Variants in GPHN observed in about 807,000 individuals in gnomAD.
The protein encoded by GPHN is gephyrin.
GPHN carries 17 observed loss-of-function variants against 95.5 expected under a neutral mutation model. The ratio of observed to expected loss-of-function variants is 0.18; its 90% confidence interval spans 0.12 to 0.27. GPHN has a LOEUF of 0.27. GPHN is among the 10% of genes least tolerant of loss of function. GPHN has a pLI of 1.00. For missense variants in GPHN, 660 were observed against 978.1 expected (o/e 0.67, Z 4.34); for synonymous variants, 320 against 322.5 (o/e 0.99, Z 0.08).
At chr14:67,355,195 C>T in the GPHN span, among the ~76,000 whole-genome samples, 1 of 151,892 alleles carries the variant, frequency 6.6e-6, no homozygotes, top group African/African-American at 2.4e-5. Context: ...AATCAAGATC[C>T]TAACAGCAAT....
chr14:67,308,532 AT>A, the GPHN span, among the ~76,000 whole-genome samples: 2 of 137,744 alleles, frequency 1.5e-5, no homozygotes, highest in African/African-American at 5.5e-5. Context: ...CTCTCCAAAT[AT>A]TTTTTTCTTT....
chr14:67,666,126 C>T, the GPHN span, among the ~76,000 whole-genome samples: 1 of 152,226 alleles, frequency 6.6e-6, no homozygotes, highest in Non-Finnish European at 1.5e-5. Context: ...CACTCCTGAT[C>T]CAAGCCAGAC....
chr14:66,976,861 T>A, intron 9 of GPHN, among the ~76,000 whole-genome samples: 1 of 123,170 alleles, frequency 8.1e-6, no homozygotes. Flanking sequence ...AAAGGATGAG[T>A]AAAAGGTAAG....
At chr14:66,631,609 CA>C (rs2063814089) in intron 1 of GPHN, among the ~76,000 whole-genome samples, 1 of 152,074 alleles carries the variant, frequency 6.6e-6, no homozygotes, top group Admixed American at 6.5e-5. Context: ...CTTGTGTTTG[CA>C]GAAGACAGTA....
At chr14:67,562,621 G>T in the GPHN span, 13 of 1,613,076 alleles carry the variant, frequency 8.1e-6, no homozygotes, top group Non-Finnish European at 1.1e-5. Context: ...TGGCCAAAAG[G>T]CACCACAGCC....
intron 9 of GPHN, among the ~76,000 whole-genome samples, chr14:67,019,727 TC>T (rs2073502105): frequency 6.6e-6 from 1 of 152,168 alleles, no homozygotes; most frequent in Non-Finnish European, 1.5e-5. Flanking sequence ...ACATCTGGCT[TC>T]CACTGGAGAG....
chr14:66,736,147 G>A (rs1851286626), intron 2 of GPHN, among the ~76,000 whole-genome samples: 1 of 151,890 alleles, frequency 6.6e-6, no homozygotes, highest in South Asian at 2.1e-4. Flanking sequence ...AAACACTGAA[G>A]GTTACTTTTT....
chr14:67,340,601 T>C, the GPHN span: 1 of 1,164,974 alleles, frequency 8.6e-7, no homozygotes, highest in Non-Finnish European at 1.3e-6. Context: ...ATAACAGTTA[T>C]TTTTTCCTAA....
the GPHN span, among the ~76,000 whole-genome samples, chr14:67,484,065 G>C: frequency 1.3e-5 from 2 of 152,218 alleles, no homozygotes; most frequent in Admixed American, 6.5e-5. Flanking sequence ...TCTCAGCTGA[G>C]CTGTCATATC....
chr14:67,245,302 C>T, the GPHN span, among the ~76,000 whole-genome samples: 15 of 152,244 alleles, frequency 9.9e-5, no homozygotes, highest in Middle Eastern at 3.4e-3. Context: ...GCTTTACATT[C>T]CTGTCAGCAC....
intron 8 of GPHN, among the ~76,000 whole-genome samples, chr14:66,957,127 AAAAG>A (rs943516931): frequency 5.9e-5 from 9 of 151,518 alleles, no homozygotes; most frequent in Non-Finnish European, 1.0e-4. Flanking sequence ...TAATAAAAAA[AAAAG>A]AAAAAAAAAG....
At chr14:67,494,591 T>C in the GPHN span, among the ~76,000 whole-genome samples, 1 of 152,184 alleles carries the variant, frequency 6.6e-6, no homozygotes, top group Non-Finnish European at 1.5e-5. Context: ...ATGCTTATAC[T>C]CTGGACACGG....
the GPHN span, among the ~76,000 whole-genome samples, chr14:67,697,050 GTTTTGTTCC>G: frequency 2.6e-5 from 4 of 152,102 alleles, no homozygotes; most frequent in African/African-American, 9.7e-5. Context: ...CCTTTCATTT[GTTTTGTTCC>G]TTATTCAGTC....
the GPHN span, among the ~76,000 whole-genome samples, chr14:67,267,816 T>G: frequency 6.6e-6 from 1 of 152,228 alleles, no homozygotes; most frequent in South Asian, 2.1e-4. Context: ...GTTTTGCATT[T>G]TCTAGAAATT....
chr14:67,047,832 G>A (rs181848065), intron 10 of GPHN, among the ~76,000 whole-genome samples: 313 of 152,278 alleles, frequency 2.1e-3, no homozygotes, highest in Non-Finnish European at 3.6e-3. Flanking sequence ...ATGGTGGTGT[G>A]CACCTGTGGT....
chr14:67,350,483 TC>T, the GPHN span: 1 of 703,994 alleles, frequency 1.4e-6, no homozygotes, highest in African/African-American at 1.8e-5. Flanking sequence ...TTAAAAGAAT[TC>T]TTTCTTATTA....
the GPHN span, chr14:67,393,200 C>T: frequency 2.3e-5 from 37 of 1,613,874 alleles, no homozygotes; most frequent in Admixed American, 6.7e-5. Flanking sequence ...GGGGCTTGAA[C>T]GGATTCCGGT....
At chr14:66,725,359 C>A (rs998331904) in intron 2 of GPHN, among the ~76,000 whole-genome samples, 2 of 152,144 alleles carry the variant, frequency 1.3e-5, no homozygotes, top group Non-Finnish European at 2.9e-5. Flanking sequence ...TTATTTAGTT[C>A]TAATCTTTTT....
At chr14:67,228,372 A>G in the GPHN span, 1,895 of 500,652 alleles carry the variant, frequency 3.8e-3, 37 homozygotes, top group African/African-American at 0.036. Context: ...AACACTAAAA[A>G]TATTCTCTAT....
Sources: allele counts gnomAD v4.1 joint callset (sites outside exome capture counted in the v4.1 genomes callset), GRCh38; gene constraint gnomAD v4.1.1; transcripts MANE v1.5; gene names NCBI Gene and HGNC (gene_info 2026-07-23, HGNC 2026-07-21).